MTUS2: variants seen among roughly 807,000 people sequenced by gnomAD.
The protein encoded by MTUS2 is microtubule-associated tumor suppressor candidate 2.
In MTUS2, 40 loss-of-function variants were observed where a neutral mutation model predicts 114.1. The ratio of observed to expected loss-of-function variants is 0.35; its 90% confidence interval spans 0.27 to 0.46. The LOEUF (loss-of-function observed/expected upper bound fraction) is 0.46, where lower values mean the gene tolerates loss of function less well. Ranked by LOEUF, MTUS2 falls within the 20% of genes least tolerant of loss-of-function variation. The pLI, the probability that MTUS2 is intolerant of heterozygous loss-of-function variation, is 1.00. For synonymous variants in MTUS2, 688 were observed against 672.0 expected (o/e 1.02, Z -0.37); for missense variants, 1,679 against 1,705.4 (o/e 0.98, Z 0.27).
chr13:28,853,171 T>C (rs922450140), intron 2 of MTUS2, among the ~76,000 whole-genome samples: 1 of 152,204 alleles, frequency 6.6e-6, no homozygotes, highest in African/African-American at 2.4e-5. Context: ...GAGGGGACAG[T>C]TCAATGTATG....
intron 5 of MTUS2, among the ~76,000 whole-genome samples, chr13:29,182,996 C>T (rs1036328598): frequency 2.6e-5 from 4 of 152,114 alleles, no homozygotes; most frequent in African/African-American, 4.8e-5. Context: ...TGGGACCCAC[C>T]GAAGGCCCTT....
chr13:29,338,381 A>G (rs1901193957), intron 7 of MTUS2, among the ~76,000 whole-genome samples: 1 of 152,018 alleles, frequency 6.6e-6, no homozygotes, highest in Non-Finnish European at 1.5e-5. Flanking sequence ...GAGCTCAGGA[A>G]TTGAAGACCA....
At chr13:29,441,197 C>T (rs1181147650) in intron 9 of MTUS2, among the ~76,000 whole-genome samples, 3 of 152,170 alleles carry the variant, frequency 2.0e-5, no homozygotes, top group Non-Finnish European at 4.4e-5. Context: ...CACCCCTTCT[C>T]CCCCACCAGG....
At chr13:29,329,404 T>C (rs1900669796) in intron 7 of MTUS2, among the ~76,000 whole-genome samples, 1 of 151,980 alleles carries the variant, frequency 6.6e-6, no homozygotes, top group Non-Finnish European at 1.5e-5. Flanking sequence ...GGGTTTCTGT[T>C]CCTGTGTAAG....
chr13:28,973,607 T>C (rs1302438529), intron 2 of MTUS2, among the ~76,000 whole-genome samples: 2 of 152,240 alleles, frequency 1.3e-5, no homozygotes, highest in Admixed American at 6.5e-5. Flanking sequence ...TAGGCTTTTG[T>C]GACAAGGGTT....
chr13:29,391,654 T>TC (rs397947282), intron 8 of MTUS2, among the ~76,000 whole-genome samples: 3 of 147,416 alleles, frequency 2.0e-5, no homozygotes, highest in Non-Finnish European at 4.5e-5. Flanking sequence ...TTTTTTTTTT[T>TC]CAGTTTTAAT....
rs373499751 is a variant in MTUS2, at chr13:29,047,553, G to A, written c.2446+13428G>A. On this transcript the variant is annotated intron_variant, in intron 4 of 15. Coordinates refer to ENST00000612955, the MANE Select transcript of MTUS2 (RefSeq NM_001033602.4). ...TTCTGAGACAGAGTCTTGCTGTGTC[G>A]CTCAGGCTGGAGTGCAGTGGCGCAA... Among the ~76,000 whole-genome samples, 205 of 143,330 alleles carry A rather than the reference G, an allele frequency of 1.4e-3. 1 individual carries two copies. Among genetic ancestry groups the A allele is most frequent in the African/African-American group, 4.7e-3 (178 of 38,198 alleles). 94.0% of individuals were successfully genotyped at this position (143,330 alleles called of 152,430 possible). A position where few individuals can be genotyped will look rare whatever the true frequency, so the allele number is the denominator to read the frequency against.
chr13:29,329,172 T>G (rs910041724), intron 7 of MTUS2, among the ~76,000 whole-genome samples: 11 of 152,174 alleles, frequency 7.2e-5, no homozygotes, highest in African/African-American at 2.7e-4. Context: ...GGGATACATG[T>G]AGAGGATGTG....
At chr13:29,194,530 C>T (rs937125223) in intron 5 of MTUS2, among the ~76,000 whole-genome samples, 7 of 152,178 alleles carry the variant, frequency 4.6e-5, no homozygotes, top group East Asian at 1.9e-4. Flanking sequence ...AAATGCAAAT[C>T]GAAACCACAG....
chr13:28,988,800 A>T lies in MTUS2; in HGVS notation c.-242-35657A>T, dbSNP rs1049827103. Among the ~76,000 whole-genome samples, 5 of 152,180 alleles carry T rather than the reference A, an allele frequency of 3.3e-5. No individual in the cohort carries two copies. The East Asian group carries it at 9.6e-4, about 29-fold the overall frequency. ...ATTTTTATTAAAGAAGAGATTATTT[A>T]TGTATACTAAAAACTAGAGAAGGCT... On this transcript the variant is annotated intron_variant, in intron 2 of 15. Coordinates refer to ENST00000612955, the MANE Select transcript of MTUS2 (RefSeq NM_001033602.4).
At chr13:29,154,386 TTCATTGTCTTCC>T (rs1348936508) in intron 5 of MTUS2, among the ~76,000 whole-genome samples, 1 of 152,192 alleles carries the variant, frequency 6.6e-6, no homozygotes, top group Non-Finnish European at 1.5e-5. Context: ...ATTGCAGAAG[TTCATTGTCTTCC>T]TGGAAATATA....
chr13:29,453,913 A>T (rs17073418), intron 9 of MTUS2, among the ~76,000 whole-genome samples: 11,477 of 152,230 alleles, frequency 0.075, 522 homozygotes, highest in African/African-American at 0.13. Flanking sequence ...TAAGCCATTA[A>T]GAATTAGCCT....
In MTUS2 at chr13:29,502,887, C is replaced by T. The variant is rs577951333; in HGVS notation, c.3897-106C>T. On this transcript the variant is annotated intron_variant, in intron 15 of 15. Coordinates refer to ENST00000612955, the MANE Select transcript of MTUS2 (RefSeq NM_001033602.4). ...CTGGGTCACCCTGGTCCCTGTTCTC[C>T]CTGCGGTCATCATGGCCTCCTCCCT... 15 of 1,123,802 alleles carry T rather than the reference C, an allele frequency of 1.3e-5. No homozygotes were observed. In the African/African-American group the frequency reaches 1.4e-4, roughly 10 times the overall value. 69.6% of individuals were successfully genotyped at this position (1,123,802 alleles called of 1,614,324 possible).
In MTUS2 at chr13:29,501,208, G is replaced by T. The variant is rs751461902; in HGVS notation, c.3896+14G>T. On this transcript the variant is annotated intron_variant, in intron 15 of 15. Coordinates refer to ENST00000612955, the MANE Select transcript of MTUS2 (RefSeq NM_001033602.4). ...AGTTGTCACCAGGTAGGTGGGCTGG[G>T]TGTCACCTACAAAGTGACTTTCCTC... 2.4e-5 allele frequency: 38 copies of T among 1,599,752 alleles called. No homozygotes were observed. The highest frequency in any genetic ancestry group is 3.3e-5 in the Non-Finnish European group (38 of 1,167,254).
intron 5 of MTUS2, among the ~76,000 whole-genome samples, chr13:29,280,968 C>T (rs1898243050): frequency 6.6e-6 from 1 of 152,176 alleles, no homozygotes; most frequent in South Asian, 2.1e-4. Context: ...TCCCAGTATG[C>T]CATATCTTCA....
chr13:29,311,923 T>C (rs1899784305), intron 6 of MTUS2, among the ~76,000 whole-genome samples: 1 of 152,152 alleles, frequency 6.6e-6, no homozygotes, highest in African/African-American at 2.4e-5. Flanking sequence ...AAGTGGGACA[T>C]CATAGAGGGC....
At chr13:28,838,613 C>T (rs753775242) in intron 1 of MTUS2, among the ~76,000 whole-genome samples, 8 of 152,204 alleles carry the variant, frequency 5.3e-5, no homozygotes, top group Non-Finnish European at 8.8e-5. Flanking sequence ...TCTTGTCCCT[C>T]GCTTGCTCTT....
At chr13:28,824,532 C>T (rs780146996) in intron 1 of MTUS2, among the ~76,000 whole-genome samples, 1 of 152,204 alleles carries the variant, frequency 6.6e-6, no homozygotes, top group Non-Finnish European at 1.5e-5. Flanking sequence ...CTCCCTACTT[C>T]CTTATTCTCC....
intron 2 of MTUS2, among the ~76,000 whole-genome samples, chr13:28,860,887 T>G (rs1334183426): frequency 1.3e-5 from 2 of 152,242 alleles, no homozygotes; most frequent in African/African-American, 4.8e-5. Context: ...CACCCGTGGC[T>G]TGGCCTGAGA....
Sources: gnomAD v4.1 joint callset for allele counts (sites outside exome capture counted in the v4.1 genomes callset) on GRCh38, gnomAD v4.1.1 for gene constraint, MANE v1.5 for transcripts, NCBI Gene and HGNC (gene_info 2026-07-23, HGNC 2026-07-21) for gene names.